MZF1: variants seen among roughly 807,000 people sequenced by gnomAD.
MZF1 encodes zinc finger and SCAN domain-containing protein 6.
MZF1 carries 24 observed loss-of-function variants against 28.6 expected under a neutral mutation model. That is an observed-to-expected ratio of 0.84 (90% CI 0.61 to 1.18). The LOEUF is 1.18. Ranked by LOEUF, MZF1 falls within the 50% of genes most tolerant of loss-of-function variation. The pLI is 0.00. For synonymous variants in MZF1, 516 were observed against 432.5 expected (o/e 1.19, Z -2.40); for missense variants, 1,166 against 1,026.4 (o/e 1.14, Z -1.86).
chr19:58,562,506 G>A lies in MZF1; in HGVS notation c.1771C>T (p.His591Tyr), dbSNP rs2053948305. ...CAGGCAAAGGGTTTCTCGCCCGTGT[G>A]TACGCGGAGATGCTGCGTGAGCGTA... ...RPTLTQHLRV[H>Y]TGEKPFACPE... Residue 591 changes from histidine to tyrosine, a missense_variant, in exon 6 of 6, where the codon CAC (histidine) becomes TAC (tyrosine). Physicochemically the swap from His to Tyr is moderately conservative, Grantham distance 83 (BLOSUM62 2). Coordinates refer to ENST00000215057, the MANE Select transcript of MZF1 (RefSeq NM_198055.2). 1 of 1,610,286 alleles carries A rather than the reference G, an allele frequency of 6.2e-7. No homozygotes were observed. Among genetic ancestry groups the A allele is most frequent in the Non-Finnish European group, 8.5e-7 (1 of 1,179,094 alleles).
Position 58,563,393 on chromosome 19 carries a change from G to A in MZF1, c.884C>T (p.Pro295Leu). ...ATGCGCAAAGCCACCTTCGCGGGAG[G>A]GTGATTGGATCTGGCCAGAAAGGCC... ...MAGLSGQIQS[P>L]SREGGFAHAL... Residue 295 changes from proline (P) to leucine (L), a missense_variant, in exon 6 of 6, where the codon CCC (proline) becomes CTC (leucine). By Grantham distance (98) the Pro-to-Leu change is moderately conservative (BLOSUM62 -3). Transcript: ENST00000215057. 1 of 1,600,924 alleles carries A rather than the reference G, an allele frequency of 6.2e-7. No individual in the cohort carries two copies. The highest frequency in any genetic ancestry group is 8.5e-7 in the Non-Finnish European group (1 of 1,173,846).
chr19:58,565,425 T>C (rs2054029132), intron 5 of MZF1, among the ~76,000 whole-genome samples: 1 of 151,954 alleles, frequency 6.6e-6, no homozygotes, highest in Non-Finnish European at 1.5e-5. Context: ...AGACATGGTT[T>C]CACCATGTTG....
upstream of MZF1, chr19:58,573,367 C>T (rs1393612246): frequency 1.3e-5 from 2 of 152,522 alleles, no homozygotes; most frequent in African/African-American, 4.8e-5. Flanking sequence ...ACCACGTTTT[C>T]CTCACTTCTC....
At chr19:58,569,160 G>T (rs2054110127) in intron 5 of MZF1, 117 bp downstream of exon 5, 1 of 1,341,834 alleles carries the variant, frequency 7.5e-7, no homozygotes, top group East Asian at 2.4e-5. Context: ...CTAGGGAATG[G>T]GGGAACTTGG....
rs923386820 is a variant in MZF1, at chr19:58,570,491, C to T, written c.433G>A (p.Glu145Lys). The change falls in exon 3 of 6, where the codon GAG becomes AAG. Residue 145 changes from glutamate to lysine, a missense_variant. Coordinates refer to ENST00000215057, the MANE Select transcript of MZF1 (RefSeq NM_198055.2). ...TGGAAACTGGAGGGCTCCATCTTCT[C>T]TGATAGGACCTCCTGGCCCTGCACC... The part of the protein sequence containing the change: ...VQVQGQEVLS[E>K]KMEPSSFQPL... The T allele has an allele frequency of 2.5e-6, 4 of 1,613,754 alleles. No individual in the cohort carries two copies. The highest frequency in any genetic ancestry group is 3.4e-6 in the Non-Finnish European group (4 of 1,179,760).
Position 58,563,471 on chromosome 19 carries a change from C to A in MZF1, c.806G>T (p.Gly269Val). Residue 269 changes from glycine to valine, a missense_variant, in exon 6 of 6, where the codon GGT becomes GTT. By Grantham distance (109) the Gly-to-Val change is moderately radical. Coordinates refer to ENST00000215057, the MANE Select transcript of MZF1 (RefSeq NM_198055.2). ...FALQLGSISA[G>V]PGSVSPHLHV... ...GAGGTGAGGGCTTACACTACCTGGA[C>A]CTGCGGAGATGCTGCCTAGCTGCAG... is the stretch of plus-strand genomic sequence containing the variant. 6.4e-7 allele frequency: 1 copy of A among 1,565,488 alleles called. No individual in the cohort carries two copies. The highest frequency in any genetic ancestry group is 1.9e-5 in the Admixed American group (1 of 53,334).
At chr19:58,572,721 TG>T in intron 1 of MZF1, 1 of 928,422 alleles carries the variant, frequency 1.1e-6, no homozygotes, top group South Asian at 1.4e-5. Flanking sequence ...CCTGAAACCC[TG>T]GGAGAGACTT....
Position 58,562,739 on chromosome 19 carries a change from A to G in MZF1, c.1538T>C (p.Phe513Ser). The change falls in exon 6 of 6, where the codon TTT (phenylalanine) becomes TCT (serine). Residue 513 changes from phenylalanine (F) to serine (S), a missense_variant. Coordinates refer to ENST00000215057, the MANE Select transcript of MZF1 (RefSeq NM_198055.2). ...GCGCTCGCCGCACTCGACGCAGCCA[A>G]AGGACTTGTCGCCCGTGTGTACCGC... The part of the protein sequence containing the change: ...HQAVHTGDKS[F>S]GCVECGERFG... 1.3e-6 allele frequency: 2 copies of G among 1,536,300 alleles called. No individual in the cohort carries two copies. The highest frequency in any genetic ancestry group is 1.7e-6 in the Non-Finnish European group (2 of 1,147,380).
chr19:58,572,342 A>C (rs1216029679), intron 1 of MZF1, among the ~76,000 whole-genome samples: 1 of 151,774 alleles, frequency 6.6e-6, no homozygotes, highest in African/African-American at 2.4e-5. Flanking sequence ...TAAGCCCAAC[A>C]TCACACTACG....
chr19:58,563,188 C>A lies in MZF1; in HGVS notation c.1089G>T (p.Lys363Asn), dbSNP rs779702563. 1 of 1,611,252 alleles carries A rather than the reference C, an allele frequency of 6.2e-7. No individual in the cohort carries two copies. The highest frequency in any genetic ancestry group is 2.2e-5 in the East Asian group (1 of 44,852). Residue 363 changes from lysine (K) to asparagine (N), a missense_variant, in exon 6 of 6, where the codon AAG becomes AAT. Coordinates refer to ENST00000215057, the MANE Select transcript of MZF1 (RefSeq NM_198055.2). Reference sequence around the variant, plus strand: ...GCAGGTTGCTGCGTTGGCTGAACACCTTGCCACATACATCGCAACGGCCGC... The same window carrying A: ...GCAGGTTGCTGCGTTGGCTGAACACATTGCCACATACATCGCAACGGCCGC... ...VRGGRCDVCG[K>N]VFSQRSNLLR... is the part of the protein sequence containing the mutation.
chr19:58,570,225 G>T, intron 3 of MZF1, 119 bp downstream of exon 3: 1 of 1,121,606 alleles, frequency 8.9e-7, no homozygotes, highest in Non-Finnish European at 1.3e-6. Context: ...GCTGCTGGCA[G>T]ATGGAAACCA....
chr19:58,569,341 A>G lies in MZF1; in HGVS notation c.708T>C (p.Gly236=). The change falls in exon 5 of 6, where the codon GGT becomes GGC. Residue 236 remains glycine, a synonymous_variant. Coordinates refer to ENST00000215057, the MANE Select transcript of MZF1 (RefSeq NM_198055.2). ...CCCTGGGGTGCTCCCTCCATGAGGG[A>G]CCCTCAGGCCCAGTCTTGCTGTGGG... The part of the protein sequence containing the change: ...IFPHSKTGPE[G]PSWREHPRAL... 5 of 1,613,526 alleles carry G rather than the reference A, an allele frequency of 3.1e-6. No individual in the cohort carries two copies. Among genetic ancestry groups the G allele is most frequent in the Non-Finnish European group, 4.2e-6 (5 of 1,179,794 alleles).
chr19:58,569,840 T>G, intron 3 of MZF1: 1 of 474,216 alleles, frequency 2.1e-6, no homozygotes, highest in Non-Finnish European at 3.8e-6. Context: ...ATGTGAACCA[T>G]GGGGCAAGGT....
intron 5 of MZF1, among the ~76,000 whole-genome samples, chr19:58,564,900 G>GTTTTTTTTTTTTTTTTT (rs1253286923): frequency 2.9e-5 from 2 of 69,382 alleles, no homozygotes; most frequent in African/African-American, 1.4e-4. Flanking sequence ...ATCCATGTGT[G>GTTTTTTTTTTTTTTTTT]TGTTTTTTTT....
rs749873621 is a variant in MZF1, at chr19:58,562,719, C to G, written c.1558G>C (p.Glu520Gln). The G allele has an allele frequency of 2.0e-6, 3 of 1,535,094 alleles. No individual in the cohort carries two copies. Among genetic ancestry groups the G allele is most frequent in the Middle Eastern group, 1.9e-4 (1 of 5,348 alleles). The change falls in exon 6 of 6, where the codon GAG becomes CAG. Residue 520 changes from glutamate (E) to glutamine (Q), a missense_variant. Transcript: ENST00000215057. ...DKSFGCVECG[E>Q]RFGRRSVLLQ... ...AGCACTGAGCGGCGGCCGAAGCGCT[C>G]GCCGCACTCGACGCAGCCAAAGGAC...
Position 58,562,727 on chromosome 19 carries a change from T to A in MZF1, c.1550A>T (p.Glu517Val). The A allele has an allele frequency of 6.5e-7, 1 of 1,535,940 alleles. No homozygotes were observed. The highest frequency in any genetic ancestry group is 8.7e-7 in the Non-Finnish European group (1 of 1,147,294). The part of the protein sequence containing the change: ...HTGDKSFGCV[E>V]CGERFGRRSV... ...GCGGCGGCCGAAGCGCTCGCCGCAC[T>A]CGACGCAGCCAAAGGACTTGTCGCC... Residue 517 changes from glutamate (E) to valine (V), a missense_variant, in exon 6 of 6, where the codon GAG becomes GTG. Coordinates refer to ENST00000215057, the MANE Select transcript of MZF1 (RefSeq NM_198055.2).
rs769061962 is a variant in MZF1 at position 58,563,116 on chromosome 19, G to A, written c.1161C>T (p.Ser387=). The A allele has an allele frequency of 6.2e-7, 1 of 1,606,894 alleles. No homozygotes were observed. Among genetic ancestry groups the A allele is most frequent in the Non-Finnish European group, 8.5e-7 (1 of 1,179,416 alleles). Residue 387 remains serine (S), a synonymous_variant, in exon 6 of 6, where the codon AGC becomes AGT. Transcript: ENST00000215057. ...TGCGGCTGAAGCTGCGGCCGCACTC[G>A]CTGCACACGAATGGTCGCTCACCCG... The part of the protein sequence containing the change: ...IHTGERPFVC[S]ECGRSFSRSS...
Position 58,562,736 on chromosome 19 carries a change from C to G in MZF1, c.1541G>C (p.Gly514Ala), listed in dbSNP as rs1222682996. 1 of 1,535,798 alleles carries G rather than the reference C, an allele frequency of 6.5e-7. No individual in the cohort carries two copies. Among genetic ancestry groups the G allele is most frequent in the Non-Finnish European group, 8.7e-7 (1 of 1,147,308 alleles). ...GAAGCGCTCGCCGCACTCGACGCAG[C>G]CAAAGGACTTGTCGCCCGTGTGTAC... ...QAVHTGDKSFGCVECGERFGR... is the reference protein window; with the variant it reads ...QAVHTGDKSFACVECGERFGR... Residue 514 changes from glycine to alanine, a missense_variant, in exon 6 of 6, where the codon GGC becomes GCC. By Grantham distance (60) the Gly-to-Ala change is moderately conservative. Coordinates refer to ENST00000215057, the MANE Select transcript of MZF1 (RefSeq NM_198055.2).
At chr19:58,570,148 G>T in intron 3 of MZF1, 196 bp downstream of exon 3, 1 of 572,120 alleles carries the variant, frequency 1.7e-6, no homozygotes, top group Non-Finnish European at 3.0e-6. Context: ...AGTCAGGCTT[G>T]GTGTGTGAGG....
Sources: gnomAD v4.1 joint callset for allele counts (sites outside exome capture counted in the v4.1 genomes callset) on GRCh38, gnomAD v4.1.1 for gene constraint, MANE v1.5 for transcripts, NCBI Gene and HGNC (gene_info 2026-07-23, HGNC 2026-07-21) for gene names.